Variants in WWOX observed in about 807,000 individuals in gnomAD.
The protein encoded by WWOX is WW domain-containing oxidoreductase.
Under a neutral mutation model 46.2 loss-of-function variants are expected in WWOX, and 69 were observed. That is an observed-to-expected ratio of 1.49 (90% CI 1.23 to 1.82). WWOX has a LOEUF of 1.82. Ranked by LOEUF, WWOX falls within the 40% of genes most tolerant of loss-of-function variation. The pLI, the probability that WWOX is intolerant of heterozygous loss-of-function variation, is 0.00. For missense variants in WWOX, 919 were observed against 542.6 expected (o/e 1.69, Z -6.89); for synonymous variants, 359 against 202.6 (o/e 1.77, Z -6.56).
chr16:78,113,456 A>G (rs369454954), intron 3 of WWOX, among the ~76,000 whole-genome samples: 1 of 152,194 alleles, frequency 6.6e-6, no homozygotes, highest in African/African-American at 2.4e-5. Flanking sequence ...TTGTGTTCCA[A>G]TAAAACTTTA....
intron 5 of WWOX, among the ~76,000 whole-genome samples, chr16:78,252,830 C>G (rs775467486): frequency 1.2e-4 from 18 of 152,214 alleles, no homozygotes; most frequent in Non-Finnish European, 2.4e-4. Flanking sequence ...ATCCTTATTT[C>G]TCCCTCGGCT....
Position 78,332,627 on chromosome 16 carries a change from A to G in WWOX, c.517-54233A>G, listed in dbSNP as rs574143364. Among the ~76,000 whole-genome samples the G allele has an allele frequency of 2.0e-5, 3 of 152,300 alleles. No homozygotes were observed. In the East Asian group the frequency reaches 5.8e-4, roughly 29 times the overall value. ...GGTAAACTGATTTTTTGGGTGGTTA[A>G]TGATCTGATGATTTTCCTCTCTGTC... On this transcript the variant is annotated intron_variant, in intron 5 of 8. Transcript: ENST00000566780.
At chr16:79,015,526 C>G (rs558084666) in intron 8 of WWOX, among the ~76,000 whole-genome samples, 12 of 152,158 alleles carry the variant, frequency 7.9e-5, no homozygotes, top group African/African-American at 2.9e-4. Context: ...AATGAGAAGT[C>G]ACTTCCTGGA....
chr16:78,449,897 C>CTT (rs202234395), intron 8 of WWOX, among the ~76,000 whole-genome samples: 6 of 145,848 alleles, frequency 4.1e-5, no homozygotes, highest in East Asian at 2.0e-4. Context: ...AAAGCGTGAA[C>CTT]TTTTTTTTTT....
chr16:78,369,819 G>C (rs964984740), intron 5 of WWOX, among the ~76,000 whole-genome samples: 2 of 152,040 alleles, frequency 1.3e-5, no homozygotes, highest in Admixed American at 6.6e-5. Flanking sequence ...AGGAATGATA[G>C]AGGCAGCACA....
intron 8 of WWOX, chr16:78,895,810 A>C (rs1034979244): frequency 1.3e-5 from 2 of 152,204 alleles, no homozygotes. Flanking sequence ...AACAATGTCA[A>C]CTGACTCACA....
At chr16:78,408,712 G>C (rs1257284567) in intron 6 of WWOX, among the ~76,000 whole-genome samples, 2 of 152,192 alleles carry the variant, frequency 1.3e-5, no homozygotes, top group Non-Finnish European at 2.9e-5. Flanking sequence ...TTTGAAGAGG[G>C]AGATACAGCT....
At position 78,316,945 on chromosome 16, in the gene WWOX, G is replaced by A. The variant is rs569939695; in HGVS notation, c.517-69915G>A. 2.6e-5 allele frequency among the ~76,000 whole-genome samples: 4 copies of A among 152,250 alleles called. No homozygotes were observed. In the South Asian group the frequency reaches 8.3e-4, roughly 32 times the overall value. On this transcript the variant is annotated intron_variant, in intron 5 of 8. Coordinates refer to ENST00000566780, the MANE Select transcript of WWOX (RefSeq NM_016373.4). Reference sequence around the variant, plus strand: ...TTCGTTTTTCCAACAAACTTTTATTGAACATCTAATAAGACCTGGACATTT... The same window carrying A: ...TTCGTTTTTCCAACAAACTTTTATTAAACATCTAATAAGACCTGGACATTT...
At chr16:78,446,678 T>TGAG (rs2083568073) in intron 8 of WWOX, among the ~76,000 whole-genome samples, 2 of 103,756 alleles carry the variant, frequency 1.9e-5, no homozygotes, top group African/African-American at 8.3e-5. Flanking sequence ...TTTTTTTTTT[T>TGAG]TTTGAGGTGG....
chr16:78,507,010 G>A (rs956998124), intron 8 of WWOX, among the ~76,000 whole-genome samples: 4 of 152,120 alleles, frequency 2.6e-5, no homozygotes, highest in Non-Finnish European at 4.4e-5. Flanking sequence ...CACCGTGCAC[G>A]ACCTCAGGGT....
At chr16:78,354,114 A>T (rs891223085) in intron 5 of WWOX, among the ~76,000 whole-genome samples, 3 of 152,190 alleles carry the variant, frequency 2.0e-5, no homozygotes, top group African/African-American at 7.2e-5. Flanking sequence ...CAGTAGTTCC[A>T]GTGGGTTCAT....
At chr16:78,402,607 T>C (rs2082439673) in intron 6 of WWOX, among the ~76,000 whole-genome samples, 1 of 152,172 alleles carries the variant, frequency 6.6e-6, no homozygotes, top group African/African-American at 2.4e-5. Context: ...CCCTGGGACG[T>C]GCCTGGTATT....
intron 8 of WWOX, among the ~76,000 whole-genome samples, chr16:78,493,902 A>G (rs2084847234): frequency 1.3e-5 from 2 of 152,200 alleles, no homozygotes; most frequent in Admixed American, 6.5e-5. Context: ...ATACTTCCCT[A>G]CTAGGTAGAG....
At chr16:78,927,036 T>C (rs1419042737) in intron 8 of WWOX, among the ~76,000 whole-genome samples, 2 of 152,198 alleles carry the variant, frequency 1.3e-5, no homozygotes, top group East Asian at 3.9e-4. Context: ...GCTCAAGCCA[T>C]CCACCCGCCT....
chr16:78,825,492 G>A (rs1464107309), intron 8 of WWOX: 4 of 470,512 alleles, frequency 8.5e-6, no homozygotes, highest in African/African-American at 2.0e-5. Context: ...ATTGACTGCT[G>A]TAGTTCAGAA....
At chr16:78,700,092 G>T (rs2048180289) in intron 8 of WWOX, among the ~76,000 whole-genome samples, 2 of 151,750 alleles carry the variant, frequency 1.3e-5, no homozygotes, top group African/African-American at 2.4e-5. Context: ...ACTGTCCTAG[G>T]GTCATTTTTT....
At chr16:79,058,345 C>G (rs1378678488) in intron 8 of WWOX, among the ~76,000 whole-genome samples, 4 of 150,970 alleles carry the variant, frequency 2.6e-5, no homozygotes, top group East Asian at 1.9e-4. Context: ...AAATAAGCTG[C>G]TTTTAGTATC....
chr16:79,144,634 C>T (rs1027090770), intron 8 of WWOX, among the ~76,000 whole-genome samples: 2 of 151,780 alleles, frequency 1.3e-5, no homozygotes, highest in African/African-American at 4.8e-5. Flanking sequence ...GAGGAAAAAC[C>T]CGACTTTTGA....
At chr16:79,023,459 A>AGGT (rs2047575494) in intron 8 of WWOX, among the ~76,000 whole-genome samples, 1 of 152,152 alleles carries the variant, frequency 6.6e-6, no homozygotes, top group East Asian at 1.9e-4. Flanking sequence ...GGGGATGTTC[A>AGGT]TCACAAAGTG....
Sources: allele counts gnomAD v4.1 joint callset (sites outside exome capture counted in the v4.1 genomes callset), GRCh38; gene constraint gnomAD v4.1.1; transcripts MANE v1.5; gene names NCBI Gene and HGNC (gene_info 2026-07-23, HGNC 2026-07-21).